Variants in DPP8 observed in about 807,000 individuals in gnomAD.
DPP8 encodes dipeptidyl peptidase 8, also known as DPP VIII.
A neutral mutation model predicts 107.5 loss-of-function variants in DPP8; 31 were observed. The ratio of observed to expected loss-of-function variants is 0.29; its 90% CI spans 0.22 to 0.39. The LOEUF is 0.39. Ranked by LOEUF, DPP8 falls within the 10% of genes least tolerant of loss-of-function variation. The probability of loss-of-function intolerance (pLI) is 1.00; values close to 1 mark genes in which losing one functional copy is unlikely to be tolerated. For synonymous variants in DPP8, 381 were observed against 356.6 expected (o/e 1.07, Z -0.77); for missense variants, 842 against 1,076.1 (o/e 0.78, Z 3.04).
intron 16 of DPP8, 30 bp from the exon 17 acceptor site, chr15:65,454,445 T>C (rs771842252): frequency 6.4e-7 from 1 of 1,570,330 alleles, no homozygotes; most frequent in Non-Finnish European, 8.6e-7. Context: ...ATTTCACTGA[T>C]TCTGATGAAT....
At chr15:65,502,467 C>G (rs553132307) in intron 3 of DPP8, among the ~76,000 whole-genome samples, 2 of 152,132 alleles carry the variant, frequency 1.3e-5, no homozygotes, top group African/African-American at 4.8e-5. Flanking sequence ...CACCCGTGGT[C>G]AGGAGTTCAA....
chr15:65,500,833 T>C, intron 3 of DPP8, 54 bp from the exon 4 acceptor site: 2 of 1,414,192 alleles, frequency 1.4e-6, no homozygotes, highest in Non-Finnish European at 1.9e-6. Context: ...CATCTTTTGC[T>C]TTTAGCACTG....
chr15:65,464,039 T>C, intron 14 of DPP8, 133 bp from the exon 15 acceptor site: 1 of 652,686 alleles, frequency 1.5e-6, no homozygotes, highest in Non-Finnish European at 2.5e-6. Flanking sequence ...GATGATAAGC[T>C]AGAATTTAAG....
intron 12 of DPP8, among the ~76,000 whole-genome samples, chr15:65,468,950 T>C (rs532689607): frequency 3.9e-5 from 6 of 152,282 alleles, no homozygotes; most frequent in Non-Finnish European, 8.8e-5. Flanking sequence ...TGATTCAGGA[T>C]GTCAGAGGTG....
At position 65,450,187 on chromosome 15, in the gene DPP8, C is replaced by T. The variant is rs138117846; in HGVS notation, c.2526+812G>A. On this transcript the variant is annotated intron_variant, in intron 19 of 19. Coordinates refer to ENST00000300141, the MANE Select transcript of DPP8 (RefSeq NM_130434.5). ...TTCTCCATGTTGGTCAGGCTGGTCT[C>T]GAACTCCTGACCTCAAGTGATCCAC... is the stretch of plus-strand genomic sequence containing the variant. Among the ~76,000 whole-genome samples, 466 of 152,082 alleles carry T rather than the reference C, an allele frequency of 3.1e-3. 1 individual carries two copies. Among genetic ancestry groups the T allele is most frequent in the African/African-American group, 0.011 (447 of 41,496 alleles).
chr15:65,448,888 A>G (rs373245233), intron 19 of DPP8, among the ~76,000 whole-genome samples: 19,013 of 61,196 alleles, frequency 0.31, 4,172 homozygotes, highest in East Asian at 0.73. Flanking sequence ...ATATATATAT[A>G]TATATATATA....
In DPP8 at chr15:65,449,234, T is replaced by C. The variant is rs1033566365; in HGVS notation, c.2526+1765A>G. On this transcript the variant is annotated intron_variant, in intron 19 of 19. Transcript: ENST00000300141. ...CAAAAAGAAAAAAAATAAAAATAAA[T>C]ATATATATATATATAATTTAAAAAT... 1.5e-3 allele frequency among the ~76,000 whole-genome samples: 214 copies of C among 143,604 alleles called. 1 individual carries two copies. The highest frequency in any genetic ancestry group is 5.0e-3 in the African/African-American group (198 of 39,732). The allele number at this position is 143,604 out of a possible 152,430, so 94.2% of individuals were successfully genotyped here. A position where few individuals can be genotyped will look rare whatever the true frequency, so the allele number is the denominator to read the frequency against.
chr15:65,462,153 G>C (rs1037977637), intron 15 of DPP8, among the ~76,000 whole-genome samples: 3 of 151,630 alleles, frequency 2.0e-5, no homozygotes, highest in African/African-American at 7.3e-5. Context: ...ATTTTTAGTA[G>C]AGACAAGGTT....
rs1464339706 is a variant in DPP8, at chr15:65,445,592, G to A, written c.*1292C>T. 1 of 153,086 alleles carries A rather than the reference G, an allele frequency of 6.5e-6. No homozygotes were observed. The highest frequency in any genetic ancestry group is 1.5e-5 in the Non-Finnish European group (1 of 67,932). The allele number at this position is 153,086 out of a possible 1,614,324, so 9.5% of individuals were successfully genotyped here. A position where few individuals can be genotyped will look rare whatever the true frequency, so the allele number is the denominator to read the frequency against. On this transcript the variant is annotated 3_prime_UTR_variant, in exon 20 of 20. Transcript: ENST00000300141. ...CATGGCTTGCCAGGGATTAGTTTAT[G>A]GTAAAGAGGTTATCTATAAACATTT...
chr15:65,444,895 C>T lies in DPP8; in HGVS notation c.*1989G>A, dbSNP rs980740063. The T allele has an allele frequency of 6.6e-6, 1 of 151,988 alleles. No individual in the cohort carries two copies. The highest frequency in any genetic ancestry group is 1.5e-5 in the Non-Finnish European group (1 of 68,004). The allele number at this position is 151,988 out of a possible 1,614,324, so 9.4% of individuals were successfully genotyped here. On this transcript the variant is annotated 3_prime_UTR_variant, in exon 20 of 20. Transcript: ENST00000300141. The stretch of plus-strand genomic sequence containing the variant: ...GCCAGTTAGTCCAAACAAAACAAAA[C>T]AAAACAAAACAAAACACCCTCCACA...
chr15:65,516,861 G>C (rs2071502093), intron 1 of DPP8: 1 of 152,422 alleles, frequency 6.6e-6, no homozygotes, highest in Non-Finnish European at 1.5e-5. Context: ...AGGAACAAGA[G>C]GAGAGGCATA....
At chr15:65,501,535 A>G (rs2069236923) in intron 3 of DPP8, among the ~76,000 whole-genome samples, 1 of 152,244 alleles carries the variant, frequency 6.6e-6, no homozygotes. Flanking sequence ...CAAAATAGTA[A>G]TAAATCATCT....
At chr15:65,466,838 T>C (rs1366048408) in intron 13 of DPP8, 25 bp from the exon 14 acceptor site, 3 of 1,602,682 alleles carry the variant, frequency 1.9e-6, no homozygotes, top group Non-Finnish European at 1.7e-6. Context: ...AACAATTATA[T>C]TTTTCGTCAG....
At chr15:65,512,888 T>C (rs1346550149) in intron 1 of DPP8, 4 of 272,914 alleles carry the variant, frequency 1.5e-5, no homozygotes, top group Admixed American at 4.9e-5. Context: ...AACAGGCCAT[T>C]TGCCAGTTGG....
Position 65,450,808 on chromosome 15 carries a change from G to C in DPP8, c.2526+191C>G, listed in dbSNP as rs1011810080. The stretch of plus-strand genomic sequence containing the variant: ...GTCATGTAATCTGATAGGCAGGTAT[G>C]TCAGCCTGACTGCAACAGAATCTTA... On this transcript the variant is annotated intron_variant, in intron 19 of 19. Coordinates refer to ENST00000300141, the MANE Select transcript of DPP8 (RefSeq NM_130434.5). 2.2e-5 allele frequency: 11 copies of C among 493,708 alleles called. No homozygotes were observed. The South Asian group carries it at 3.3e-4, about 15-fold the overall frequency. The allele number at this position is 493,708 out of a possible 1,614,324, so 30.6% of individuals were successfully genotyped here. A position where few individuals can be genotyped will look rare whatever the true frequency, so the allele number is the denominator to read the frequency against.
intron 15 of DPP8, among the ~76,000 whole-genome samples, chr15:65,462,729 A>G (rs1388927911): frequency 6.6e-6 from 1 of 152,056 alleles, no homozygotes; most frequent in Non-Finnish European, 1.5e-5. Context: ...TTAGGCACGC[A>G]CTACCACGCC....
At chr15:65,480,647 C>T (rs893938077) in intron 9 of DPP8, among the ~76,000 whole-genome samples, 3 of 152,220 alleles carry the variant, frequency 2.0e-5, no homozygotes, top group Middle Eastern at 3.4e-3. Context: ...TGTTTTATCC[C>T]GGTAGGCTGG....
rs1555459053 is a variant in DPP8 at position 65,480,175 on chromosome 15, T to C, written c.1296+47A>G. The C allele has an allele frequency of 3.9e-6, 6 of 1,546,928 alleles. No individual in the cohort carries two copies. In the South Asian group the frequency reaches 5.9e-5, roughly 15 times the overall value. On this transcript the variant is annotated intron_variant, in intron 10 of 19. Coordinates refer to ENST00000300141, the MANE Select transcript of DPP8 (RefSeq NM_130434.5). ...GTTTGCTATATAACTTCATTTGCTT[T>C]AGCATTCTGAGAAAATATTTAAACA... is the stretch of plus-strand genomic sequence containing the variant.
At chr15:65,500,069 T>C (rs1327720117) in intron 4 of DPP8, among the ~76,000 whole-genome samples, 1 of 152,090 alleles carries the variant, frequency 6.6e-6, no homozygotes, top group East Asian at 1.9e-4. Flanking sequence ...CTAAGTTTTT[T>C]TAAATTTTTT....
Sources: allele counts gnomAD v4.1 joint callset (sites outside exome capture counted in the v4.1 genomes callset), GRCh38; gene constraint gnomAD v4.1.1; transcripts MANE v1.5; gene names NCBI Gene and HGNC (gene_info 2026-07-23, HGNC 2026-07-21).